LOC400499: variants seen among roughly 807,000 people sequenced by gnomAD.
At chr16:11,460,695 G>C in the LOC400499 span, 3 of 1,448,142 alleles carry the variant, frequency 2.1e-6, no homozygotes, top group Non-Finnish European at 9.1e-7. Context: ...GCCCGGCCCA[G>C]CCTGGCCTCA....
At chr16:11,443,385 T>C in the LOC400499 span, 4 of 410,950 alleles carry the variant, frequency 9.7e-6, no homozygotes, top group South Asian at 1.7e-5. Context: ...TGCATGAACC[T>C]GGGACGTGGA....
the LOC400499 span, among the ~76,000 whole-genome samples, chr16:11,515,332 T>C: frequency 6.6e-6 from 1 of 151,852 alleles, no homozygotes; most frequent in Admixed American, 6.6e-5. Context: ...CTTGTGCCTG[T>C]AGTCCCAGCT....
the LOC400499 span, chr16:11,515,882 CCCAGCCCAGCCTAGCCCAGCCCAGCCCA>C: frequency 2.4e-4 from 9 of 37,750 alleles, no homozygotes; most frequent in Non-Finnish European, 5.2e-4. Flanking sequence ...CCCAGCCCAG[CCCAGCCCAGCCTAGCCCAGCCCAGCCCA>C]GCCTAGCCCA....
chr16:11,416,798 T>G, the LOC400499 span, among the ~76,000 whole-genome samples: 1 of 151,936 alleles, frequency 6.6e-6, no homozygotes, highest in East Asian at 1.9e-4. Context: ...GATCAGCCCG[T>G]GCCAAGGTCC....
the LOC400499 span, among the ~76,000 whole-genome samples, chr16:11,527,230 T>C: frequency 1.9e-3 from 282 of 152,294 alleles, 1 homozygote; most frequent in African/African-American, 6.5e-3. Context: ...CAGCTCAGCG[T>C]GGTCCTGAAA....
At chr16:11,460,384 C>G in the LOC400499 span, 3 of 1,359,718 alleles carry the variant, frequency 2.2e-6, no homozygotes, top group African/African-American at 4.4e-5. Flanking sequence ...GTGAGCAAGT[C>G]CATCTCTTTG....
the LOC400499 span, among the ~76,000 whole-genome samples, chr16:11,513,490 G>A: frequency 1.3e-5 from 2 of 151,866 alleles, no homozygotes; most frequent in African/African-American, 4.8e-5. Flanking sequence ...GAAGTGCAGT[G>A]GCATGATCTT....
At chr16:11,477,771 G>C in the LOC400499 span, 4 of 398,222 alleles carry the variant, frequency 1.0e-5, no homozygotes, top group African/African-American at 6.2e-5. Context: ...GCCCTCTGTA[G>C]GGATGGGATC....
the LOC400499 span, among the ~76,000 whole-genome samples, chr16:11,500,334 C>G: frequency 9.9e-5 from 15 of 151,820 alleles, no homozygotes; most frequent in African/African-American, 3.2e-4. Context: ...ATGGCGAAAC[C>G]CCGTCTCTAC....
chr16:11,418,716 C>A, the LOC400499 span, among the ~76,000 whole-genome samples: 1 of 152,230 alleles, frequency 6.6e-6, no homozygotes, highest in Non-Finnish European at 1.5e-5. Flanking sequence ...TGGCTGCTTT[C>A]ACAACACAAT....
the LOC400499 span, chr16:11,384,236 C>G: frequency 8.1e-7 from 1 of 1,232,308 alleles, no homozygotes; most frequent in Non-Finnish European, 1.0e-6. Context: ...AGGCTGAGCT[C>G]CTCCAGGCTG....
the LOC400499 span, among the ~76,000 whole-genome samples, chr16:11,465,842 G>A: frequency 6.6e-6 from 1 of 151,154 alleles, no homozygotes; most frequent in Non-Finnish European, 1.5e-5. Context: ...GGGGAAAGAC[G>A]TGGGAAGAGG....
At chr16:11,423,503 TAAC>T in the LOC400499 span, among the ~76,000 whole-genome samples, 1 of 151,970 alleles carries the variant, frequency 6.6e-6, no homozygotes, top group Non-Finnish European at 1.5e-5. Flanking sequence ...AACCACAGAG[TAAC>T]CATGGGAGGA....
the LOC400499 span, among the ~76,000 whole-genome samples, chr16:11,427,692 C>T: frequency 6.6e-6 from 1 of 152,070 alleles, no homozygotes; most frequent in Non-Finnish European, 1.5e-5. Flanking sequence ...GCAATCTGCC[C>T]TCCTCCACCT....
At chr16:11,402,222 C>T in the LOC400499 span, 2 of 398,862 alleles carry the variant, frequency 5.0e-6, no homozygotes, top group Non-Finnish European at 8.8e-6. Flanking sequence ...GCTCCAGGCC[C>T]AAGGGGGTTC....
chr16:11,491,604 G>C, the LOC400499 span: 3 of 379,034 alleles, frequency 7.9e-6, no homozygotes, highest in Non-Finnish European at 9.4e-6. Context: ...AAGGGGTGGA[G>C]GGAGAGGATG....
At chr16:11,486,517 T>C in the LOC400499 span, among the ~76,000 whole-genome samples, 33,600 of 117,804 alleles carry the variant, frequency 0.29, 4,922 homozygotes, top group Admixed American at 0.41. Context: ...GAATGAATGA[T>C]GGCTGGATAG....
At chr16:11,396,227 T>C in the LOC400499 span, among the ~76,000 whole-genome samples, 1 of 152,198 alleles carries the variant, frequency 6.6e-6, no homozygotes, top group African/African-American at 2.4e-5. Flanking sequence ...GGATTCAAAC[T>C]TGGGCAGCCC....
chr16:11,375,778 G>C, the LOC400499 span, among the ~76,000 whole-genome samples: 1 of 138,608 alleles, frequency 7.2e-6, no homozygotes, highest in African/African-American at 2.7e-5. Flanking sequence ...TGCCCAGGCT[G>C]GAGTGCAATG....
Sources: gnomAD v4.1 joint callset for allele counts (sites outside exome capture counted in the v4.1 genomes callset) on GRCh38, gnomAD v4.1.1 for gene constraint, MANE v1.5 for transcripts.